SLC35D1: variants seen among roughly 807,000 people sequenced by gnomAD.
SLC35D1 encodes nucleotide sugar transporter SLC35D1.
Under a neutral mutation model 46.7 loss-of-function variants are expected in SLC35D1, and 31 were observed. The observed-to-expected ratio is 0.66, with a 90% CI of 0.50 to 0.90. The LOEUF is 0.90. SLC35D1 is among the 40% of genes least tolerant of loss of function. The pLI, the probability that SLC35D1 is intolerant of heterozygous loss-of-function variation, is 0.00. For synonymous variants in SLC35D1, 195 were observed against 164.6 expected, an observed-to-expected ratio of 1.18 and a Z score of -1.41; for missense variants, 397 against 426.2, an observed-to-expected ratio of 0.93 and a Z score of 0.60.
intron 8 of SLC35D1, among the ~76,000 whole-genome samples, chr1:67,035,867 T>C (rs1041868528): frequency 6.6e-6 from 1 of 151,694 alleles, no homozygotes; most frequent in African/African-American, 2.4e-5. Flanking sequence ...AGTACTGTTT[T>C]TGCTGTATAC....
intron 4 of SLC35D1, among the ~76,000 whole-genome samples, chr1:67,050,783 A>C (rs995924078): frequency 2.0e-5 from 3 of 152,182 alleles, no homozygotes; most frequent in Non-Finnish European, 4.4e-5. Context: ...GTCAGTTTTT[A>C]ATAGAAAAAG....
the SLC35D1 span, among the ~76,000 whole-genome samples, chr1:66,993,215 G>T: frequency 6.6e-6 from 1 of 152,184 alleles, no homozygotes; most frequent in African/African-American, 2.4e-5. Context: ...TCATTCTCTA[G>T]AAAGACATCA....
chr1:67,023,791 T>C (rs1366482702), intron 8 of SLC35D1, among the ~76,000 whole-genome samples: 1 of 151,862 alleles, frequency 6.6e-6, no homozygotes, highest in African/African-American at 2.4e-5. Context: ...CCGGCCTCTT[T>C]TGCCAAATTT....
chr1:67,050,359 A>T, intron 5 of SLC35D1, 74 bp downstream of exon 5: 3 of 1,134,122 alleles, frequency 2.6e-6, no homozygotes, highest in Non-Finnish European at 4.0e-6. Context: ...AAGACAAATA[A>T]TTTAATATCT....
At chr1:66,988,793 T>TAATA in the SLC35D1 span, among the ~76,000 whole-genome samples, 2 of 152,218 alleles carry the variant, frequency 1.3e-5, no homozygotes, top group East Asian at 3.9e-4. Flanking sequence ...CCATATACTC[T>TAATA]AATATCCAGC....
At chr1:67,017,835 C>A (rs1667717232) in intron 10 of SLC35D1, among the ~76,000 whole-genome samples, 1 of 152,232 alleles carries the variant, frequency 6.6e-6, no homozygotes, top group South Asian at 2.1e-4. Flanking sequence ...AGGACTATGA[C>A]TAAAAAAGAT....
At chr1:67,049,655 T>G (rs1486831009) in intron 6 of SLC35D1, 127 bp downstream of exon 6, 1 of 847,576 alleles carries the variant, frequency 1.2e-6, no homozygotes, top group Non-Finnish European at 1.9e-6. Flanking sequence ...TTTTCAAGAG[T>G]CTTCTAGATG....
intron 8 of SLC35D1, among the ~76,000 whole-genome samples, chr1:67,034,685 CTGAT>C (rs1668086549): frequency 6.6e-6 from 1 of 152,060 alleles, no homozygotes; most frequent in Admixed American, 6.6e-5. Flanking sequence ...TTTCTCTTGT[CTGAT>C]TGATTTAGCT....
chr1:66,982,767 T>C, the SLC35D1 span, among the ~76,000 whole-genome samples: 541 of 152,338 alleles, frequency 3.6e-3, 3 homozygotes, highest in African/African-American at 0.012. Flanking sequence ...TGTATATGCT[T>C]AGTTCATTTC....
intron 8 of SLC35D1, among the ~76,000 whole-genome samples, chr1:67,039,335 C>T (rs889088924): frequency 6.6e-6 from 1 of 152,036 alleles, no homozygotes. Flanking sequence ...TTTTTAAATA[C>T]GTTTATGTGG....
chr1:67,046,164 CA>C (rs202161267), intron 7 of SLC35D1, among the ~76,000 whole-genome samples: 2 of 150,294 alleles, frequency 1.3e-5, no homozygotes, highest in African/African-American at 4.9e-5. Context: ...AAAAACAAAA[CA>C]AAAAAAAATA....
At position 67,021,425 on chromosome 1, in the gene SLC35D1, CT is replaced by C. The variant is rs559243635; in HGVS notation, c.797+109del. ...ACCTGAATCTGGAGGCTTAATTATC[CT>C]AGGCTGACACACTCAGGAGACCTAA... On this transcript the variant is annotated intron_variant, in intron 9 of 11. Coordinates refer to ENST00000235345, the MANE Select transcript of SLC35D1 (RefSeq NM_015139.3). 132 of 1,157,256 alleles carry C rather than the reference CT, an allele frequency of 1.1e-4. No homozygotes were observed. The African/African-American group carries it at 1.8e-3, about 16-fold the overall frequency. The allele number at this position is 1,157,256 out of a possible 1,614,324, so 71.7% of individuals were successfully genotyped here. A position where few individuals can be genotyped will look rare whatever the true frequency, so the allele number is the denominator to read the frequency against.
At chr1:67,047,431 AT>A in intron 6 of SLC35D1, 64 bp from the exon 7 acceptor site, 1 of 1,276,920 alleles carries the variant, frequency 7.8e-7, no homozygotes, top group Non-Finnish European at 1.1e-6. Context: ...TTAAATAGAT[AT>A]AAGCTAAAAT....
chr1:67,005,589 TAA>T (rs1443914470), intron 11 of SLC35D1, among the ~76,000 whole-genome samples: 3 of 152,206 alleles, frequency 2.0e-5, no homozygotes, highest in Admixed American at 2.0e-4. Context: ...ATCAAATTAT[TAA>T]AGTCTACTTG....
chr1:66,996,120 A>G (rs1179117282), downstream of SLC35D1, among the ~76,000 whole-genome samples: 1 of 152,246 alleles, frequency 6.6e-6, no homozygotes, highest in African/African-American at 2.4e-5. Context: ...ACCAAATATG[A>G]GAAGGCACAT....
chr1:66,989,467 T>A, the SLC35D1 span, among the ~76,000 whole-genome samples: 1 of 152,298 alleles, frequency 6.6e-6, no homozygotes, highest in South Asian at 2.1e-4. Context: ...ATATATAAAC[T>A]TCTAAAAAAT....
chr1:67,009,199 TAG>T, intron 10 of SLC35D1, 32 bp from the exon 11 acceptor site: 1 of 792,972 alleles, frequency 1.3e-6, no homozygotes, highest in Non-Finnish European at 2.0e-6. Flanking sequence ...TACTGTTATA[TAG>T]GTTTAACTGA....
the SLC35D1 span, chr1:66,984,510 TA>T: frequency 8.4e-7 from 1 of 1,185,374 alleles, no homozygotes; most frequent in Non-Finnish European, 1.2e-6. Context: ...AGCTGTTTTA[TA>T]ATAGTTTGCA....
intron 8 of SLC35D1, among the ~76,000 whole-genome samples, chr1:67,023,238 A>C (rs1667847773): frequency 6.6e-6 from 1 of 152,304 alleles, no homozygotes; most frequent in Non-Finnish European, 1.5e-5. Context: ...TTAACTTCGT[A>C]AGAAACTGCC....
Sources: gnomAD v4.1 joint callset for allele counts (sites outside exome capture counted in the v4.1 genomes callset) on GRCh38, gnomAD v4.1.1 for gene constraint, MANE v1.5 for transcripts, NCBI Gene and HGNC (gene_info 2026-07-23, HGNC 2026-07-21) for gene names.